Variants in SESTD1 observed in about 807,000 individuals in gnomAD.
The protein encoded by SESTD1 is SEC14 domain and spectrin repeat-containing protein 1.
In SESTD1, 43 loss-of-function variants were observed where a neutral mutation model predicts 101.7. The ratio of observed to expected loss-of-function variants is 0.42; its 90% CI spans 0.33 to 0.55. The LOEUF (loss-of-function observed/expected upper bound fraction) is 0.55, where lower values mean the gene tolerates loss of function less well. Among genes scored for constraint, SESTD1 ranks in the 20% least tolerant of loss-of-function variants. SESTD1 has a pLI of 0.07. For missense variants in SESTD1, 647 were observed against 815.1 expected (o/e 0.79, Z 2.51); for synonymous variants, 283 against 286.8 (o/e 0.99, Z 0.13).
chr2:179,164,207 A>G (rs1159056491), intron 5 of SESTD1, among the ~76,000 whole-genome samples: 1 of 152,186 alleles, frequency 6.6e-6, no homozygotes, highest in Non-Finnish European at 1.5e-5. Flanking sequence ...TAAAAACTGG[A>G]AAGAATCAGA....
chr2:179,221,071 C>A (rs1327166194), intron 1 of SESTD1, among the ~76,000 whole-genome samples: 1 of 151,892 alleles, frequency 6.6e-6, no homozygotes, highest in African/African-American at 2.4e-5. Flanking sequence ...AAATAATATA[C>A]CTGTATCATG....
chr2:179,138,006 G>A (rs2045192547), intron 9 of SESTD1, among the ~76,000 whole-genome samples: 1 of 152,158 alleles, frequency 6.6e-6, no homozygotes, highest in Non-Finnish European at 1.5e-5. Flanking sequence ...TTTCGCAAGG[G>A]ATATAGATAT....
At chr2:179,112,978 GTAGA>G in intron 16 of SESTD1, 133 bp from the exon 17 acceptor site, 1 of 1,198,158 alleles carries the variant, frequency 8.3e-7, no homozygotes, top group East Asian at 2.5e-5. Context: ...TACAAATTTG[GTAGA>G]TTAAAGGCAT....
rs542281498 is a variant in SESTD1 at position 179,239,771 on chromosome 2, A to G, written c.-26+24728T>C. 9.6e-4 allele frequency among the ~76,000 whole-genome samples: 146 copies of G among 152,346 alleles called. 1 individual carries two copies. The highest frequency in any genetic ancestry group is 3.2e-3 in the African/African-American group (133 of 41,590). On this transcript the variant is annotated intron_variant, in intron 1 of 17. Transcript: ENST00000428443. ...CTTTATTCTTAAAGAAATGCCATTT[A>G]ACTACATGCAAACCTTAAATTATCT...
Position 179,216,611 on chromosome 2 carries a change from C to T in SESTD1, c.-25-24745G>A, listed in dbSNP as rs1381938131. Among the ~76,000 whole-genome samples the T allele has an allele frequency of 4.4e-5, 6 of 135,190 alleles. 1 individual carries two copies. The highest frequency in any genetic ancestry group is 1.8e-4 in the African/African-American group (6 of 34,088). 88.7% of individuals were successfully genotyped at this position (135,190 alleles called of 152,430 possible). On this transcript the variant is annotated intron_variant, in intron 1 of 17. Transcript: ENST00000428443. ...CCATCAAGCTACCAATGACTTTCTT[C>T]ACAGAATTGGAAAAAACTACTTTAA...
At position 179,108,820 on chromosome 2, in the gene SESTD1, T is replaced by G. The variant is rs1371479348; in HGVS notation, c.*1079A>C. The G allele has an allele frequency of 6.6e-6, 1 of 152,156 alleles. No homozygotes were observed. Among genetic ancestry groups the G allele is most frequent in the Non-Finnish European group, 1.5e-5 (1 of 68,000 alleles). The allele number at this position is 152,156 out of a possible 1,614,324, so 9.4% of individuals were successfully genotyped here. On this transcript the variant is annotated 3_prime_UTR_variant, in exon 18 of 18. Coordinates refer to ENST00000428443, the MANE Select transcript of SESTD1 (RefSeq NM_178123.5). The stretch of plus-strand genomic sequence containing the variant: ...AGAACTAGCATTTCATGATAAATTT[T>G]ATTTCTAAAGGGGTCATACAGTTCT...
At chr2:179,116,937 T>C (rs1020791122) in intron 14 of SESTD1, 147 bp from the exon 15 acceptor site, 26 of 1,137,260 alleles carry the variant, frequency 2.3e-5, no homozygotes, top group Middle Eastern at 4.5e-4. Flanking sequence ...CATTCAATGA[T>C]AAGCTACATG....
At chr2:179,130,282 G>GT (rs1228005623) in intron 10 of SESTD1, among the ~76,000 whole-genome samples, 1 of 152,024 alleles carries the variant, frequency 6.6e-6, no homozygotes, top group Non-Finnish European at 1.5e-5. Flanking sequence ...TAGCTTCCCA[G>GT]TTTTTTCATC....
rs2045938749 is a variant in SESTD1 at position 179,172,103 on chromosome 2, A to G, written c.369+17T>C. ...TTTAAAGATATAATGGACTTTAAAA[A>G]AAGAGATTACATTTACCTCAAAGCC... On this transcript the variant is annotated intron_variant, in intron 5 of 17. Coordinates refer to ENST00000428443, the MANE Select transcript of SESTD1 (RefSeq NM_178123.5). 1 of 1,481,826 alleles carries G rather than the reference A, an allele frequency of 6.7e-7. No individual in the cohort carries two copies. Among genetic ancestry groups the G allele is most frequent in the Non-Finnish European group, 9.4e-7 (1 of 1,068,046 alleles). The allele number at this position is 1,481,826 out of a possible 1,614,324, so 91.8% of individuals were successfully genotyped here. A position where few individuals can be genotyped will look rare whatever the true frequency, so the allele number is the denominator to read the frequency against.
chr2:179,115,456 T>C (rs1227031385), intron 15 of SESTD1, among the ~76,000 whole-genome samples, 200 bp from the exon 16 acceptor site: 3 of 152,166 alleles, frequency 2.0e-5, no homozygotes, highest in Non-Finnish European at 2.9e-5. Context: ...TAGTTTATAA[T>C]AAGTTTCATG....
intron 1 of SESTD1, among the ~76,000 whole-genome samples, chr2:179,197,990 C>T (rs1428719389): frequency 6.6e-6 from 1 of 152,024 alleles, no homozygotes; most frequent in Admixed American, 6.6e-5. Context: ...GGACTAAATG[C>T]TCCAATTAAA....
intron 17 of SESTD1, 104 bp downstream of exon 17, chr2:179,112,620 A>C (rs2044533677): frequency 7.2e-7 from 1 of 1,393,132 alleles, no homozygotes; most frequent in Non-Finnish European, 9.5e-7. Flanking sequence ...GATGTGGACC[A>C]AACCTAATTT....
At chr2:179,133,957 T>G (rs1400318225) in intron 9 of SESTD1, among the ~76,000 whole-genome samples, 1 of 152,134 alleles carries the variant, frequency 6.6e-6, no homozygotes, top group Non-Finnish European at 1.5e-5. Context: ...ATACAAATAA[T>G]AAGCCAGTAC....
At chr2:179,246,660 TG>T (rs2047236077) in intron 1 of SESTD1, among the ~76,000 whole-genome samples, 1 of 152,166 alleles carries the variant, frequency 6.6e-6, no homozygotes, top group Non-Finnish European at 1.5e-5. Context: ...CAAATGCACA[TG>T]GATCACAGAC....
intron 4 of SESTD1, among the ~76,000 whole-genome samples, chr2:179,173,690 C>G (rs532109961): frequency 6.6e-6 from 1 of 152,242 alleles, no homozygotes; most frequent in South Asian, 2.1e-4. Context: ...AACCTGGGTT[C>G]AATACATTCT....
chr2:179,190,472 C>T (rs988549379), intron 2 of SESTD1, among the ~76,000 whole-genome samples: 2 of 151,872 alleles, frequency 1.3e-5, no homozygotes, highest in Admixed American at 6.6e-5. Context: ...TTCTGAGTAT[C>T]GGCCTCAGAA....
Position 179,117,551 on chromosome 2 carries a change from C to T in SESTD1, c.1505G>A (p.Cys502Tyr). 1.3e-6 allele frequency: 2 copies of T among 1,580,296 alleles called. No homozygotes were observed. Among genetic ancestry groups the T allele is most frequent in the Non-Finnish European group, 1.7e-6 (2 of 1,168,080 alleles). ...CCTTACCTGGGCAGCATCTTCTTCA[C>T]ATTTAAACAACTGCACCATCTGAAG... ...KMLQMVQLFKCEEDAAQAVEW... is the reference protein window; with the variant it reads ...KMLQMVQLFKYEEDAAQAVEW... The change falls in exon 14 of 18, where the codon TGT becomes TAT. Residue 502 changes from cysteine to tyrosine, a missense_variant. Around this residue, in one of 3 missense-constraint regions of SESTD1, gnomAD observed 476 missense variants for 562.6 expected, o/e 0.85. Coordinates refer to ENST00000428443, the MANE Select transcript of SESTD1 (RefSeq NM_178123.5).
At chr2:179,126,901 T>C (rs2044886153) in intron 10 of SESTD1, among the ~76,000 whole-genome samples, 1 of 152,158 alleles carries the variant, frequency 6.6e-6, no homozygotes, top group Non-Finnish European at 1.5e-5. Flanking sequence ...TCAACTTCTA[T>C]CAATTCTCAT....
Position 179,203,647 on chromosome 2 carries a change from T to C in SESTD1, c.-25-11781A>G, listed in dbSNP as rs1438536126. Among the ~76,000 whole-genome samples, 27 of 134,964 alleles carry C rather than the reference T, an allele frequency of 2.0e-4. 9 individuals carry two copies. Among genetic ancestry groups the C allele is most frequent in the African/African-American group, 7.6e-4 (26 of 34,124 alleles). The allele number at this position is 134,964 out of a possible 152,430, so 88.5% of individuals were successfully genotyped here. On this transcript the variant is annotated intron_variant, in intron 1 of 17. Transcript: ENST00000428443. ...TGTCTTACTGAAGTCTGTGAGCTAT[T>C]TTAGTGAATTATCGAACCTGAAGGG...
Sources: allele counts gnomAD v4.1 joint callset (sites outside exome capture counted in the v4.1 genomes callset), GRCh38; gene constraint gnomAD v4.1.1; regional missense constraint gnomAD v4.1.1; transcripts MANE v1.5; gene names NCBI Gene and HGNC (gene_info 2026-07-23, HGNC 2026-07-21).